Variants in F13B observed in about 807,000 individuals in gnomAD.
F13B encodes coagulation factor XIII B chain.
A neutral mutation model predicts 79.8 loss-of-function variants in F13B; 58 were observed. That is an observed-to-expected ratio of 0.73 (90% confidence interval 0.59 to 0.90). The LOEUF (loss-of-function observed/expected upper bound fraction) is 0.90. Among genes scored for constraint, F13B ranks in the 40% least tolerant of loss-of-function variants. F13B has a pLI of 0.00. For missense variants in F13B, 773 were observed against 777.0 expected, an observed-to-expected ratio of 0.99 and a Z score of 0.06; for synonymous variants, 283 against 260.3, an observed-to-expected ratio of 1.09 and a Z score of -0.84.
At position 197,062,931 on chromosome 1, in the gene F13B, G is replaced by A. The variant is rs749334266; in HGVS notation, c.191C>T (p.Thr64Ile). Reference protein sequence around the residue: ...KLSFFCLAGYTTESGRQEEQT... With the variant: ...KLSFFCLAGYITESGRQEEQT... ...CTCTTCTTGTCTTCCACTTTCAGTG[G>A]TATAACCAGCCAAGCAGAAAAATGA... The change falls in exon 2 of 12, where the codon ACC (threonine) becomes ATC (isoleucine). Residue 64 changes from threonine (T) to isoleucine (I), a missense_variant. Transcript: ENST00000367412. 3 of 1,613,718 alleles carry A rather than the reference G, an allele frequency of 1.9e-6. No individual in the cohort carries two copies. Among genetic ancestry groups the A allele is most frequent in the Admixed American group, 1.7e-5 (1 of 59,964 alleles).
intron 3 of F13B, 120 bp downstream of exon 3, chr1:197,061,664 G>C: frequency 1.2e-6 from 1 of 848,472 alleles, no homozygotes; most frequent in Non-Finnish European, 1.8e-6. Flanking sequence ...TCAACTTCCT[G>C]CATTGTAGAC....
At chr1:197,039,560 C>A (rs1303452271) in intron 11 of F13B, 149 bp from the exon 12 acceptor site, 5 of 619,102 alleles carry the variant, frequency 8.1e-6, no homozygotes, top group African/African-American at 7.4e-5. Context: ...TAAATAATAC[C>A]ACCAGTTCCC....
At chr1:197,045,636 G>A (rs1363614031) in intron 10 of F13B, among the ~76,000 whole-genome samples, 1 of 152,186 alleles carries the variant, frequency 6.6e-6, no homozygotes, top group Non-Finnish European at 1.5e-5. Context: ...TAGAAAAAGA[G>A]GGAATCCTCC....
At chr1:197,053,851 TCCCAAG>T (rs1655539293) in intron 8 of F13B, among the ~76,000 whole-genome samples, 1 of 151,860 alleles carries the variant, frequency 6.6e-6, no homozygotes, top group Non-Finnish European at 1.5e-5. Context: ...TGAAAGAGTG[TCCCAAG>T]CAAAGGGAAC....
chr1:197,048,491 C>A (rs1199282877), intron 10 of F13B, among the ~76,000 whole-genome samples: 1 of 151,312 alleles, frequency 6.6e-6, no homozygotes, highest in African/African-American at 2.4e-5. Flanking sequence ...CTAAAGGAGA[C>A]CTCAAGGCAA....
chr1:197,057,630 C>T (rs914037222), intron 5 of F13B, among the ~76,000 whole-genome samples, 165 bp from the exon 6 acceptor site: 1 of 152,136 alleles, frequency 6.6e-6, no homozygotes, highest in Non-Finnish European at 1.5e-5. Flanking sequence ...TTGTGTGATA[C>T]CCCTTTCCAT....
At chr1:197,044,326 T>G (rs1655149080) in intron 10 of F13B, among the ~76,000 whole-genome samples, 1 of 151,160 alleles carries the variant, frequency 6.6e-6, no homozygotes, top group African/African-American at 2.4e-5. Context: ...GGGGGGAGGG[T>G]CGTCTACTAT....
At chr1:197,042,876 A>C (rs1655094490) in intron 10 of F13B, among the ~76,000 whole-genome samples, 1 of 150,966 alleles carries the variant, frequency 6.6e-6, no homozygotes, top group African/African-American at 2.4e-5. Flanking sequence ...GTTGACTCTA[A>C]GTCTGACCTG....
At position 197,062,733 on chromosome 1, in the gene F13B, T is replaced by G. The variant is rs1385052070; in HGVS notation, c.265+124A>C. ...GCCTTCATTTTGTAGAAAGACAGAT[T>G]GCTAGTGATTTTGTTCTTATCTACT... On this transcript the variant is annotated intron_variant, in intron 2 of 11. Coordinates refer to ENST00000367412, the MANE Select transcript of F13B (RefSeq NM_001994.3). The G allele has an allele frequency of 3.6e-6, 3 of 825,734 alleles. No homozygotes were observed. The African/African-American group carries it at 5.1e-5, about 14-fold the overall frequency. The allele number at this position is 825,734 out of a possible 1,614,324, so 51.2% of individuals were successfully genotyped here. A position where few individuals can be genotyped will look rare whatever the true frequency, so the allele number is the denominator to read the frequency against.
At chr1:197,053,384 G>T (rs2125065004) in intron 8 of F13B, among the ~76,000 whole-genome samples, 1 of 152,084 alleles carries the variant, frequency 6.6e-6, no homozygotes, top group East Asian at 1.9e-4. Flanking sequence ...CCTGGGGTGG[G>T]TCTTTCCCAT....
chr1:197,053,995 T>C (rs1655547358), intron 8 of F13B, among the ~76,000 whole-genome samples: 2 of 152,112 alleles, frequency 1.3e-5, no homozygotes, highest in Non-Finnish European at 2.9e-5. Flanking sequence ...TCTTAATGTC[T>C]GGAATAATAA....
At chr1:197,061,499 A>T (rs563128651) in intron 3 of F13B, among the ~76,000 whole-genome samples, 46 of 152,260 alleles carry the variant, frequency 3.0e-4, no homozygotes, top group Non-Finnish European at 6.6e-4. Flanking sequence ...GTAATAAAGG[A>T]AATAGTGACA....
intron 9 of F13B, 25 bp downstream of exon 9, chr1:197,052,609 C>A (rs766028353): frequency 6.5e-7 from 1 of 1,550,032 alleles, no homozygotes; most frequent in African/African-American, 1.4e-5. Context: ...AGTAAAGATA[C>A]TTGCAGAGAA....
chr1:197,060,905 AT>A lies in F13B; in HGVS notation c.621del (p.Lys207AsnfsTer5). ...CLTYGWSLTP[K>X]CTKLKCSSLR... Reference sequence around the variant, plus strand: ...ATTCCAAATGAGAACCTACTGGTACATTTTGGTGTGAGAGACCATCCGTATG... The same window carrying A: ...ATTCCAAATGAGAACCTACTGGTACATTTGGTGTGAGAGACCATCCGTATG... On this transcript the variant is annotated frameshift_variant, in exon 4 of 12. Transcript: ENST00000367412. LOFTEE classifies it high-confidence loss of function. 1 of 1,613,030 alleles carries A rather than the reference AT, an allele frequency of 6.2e-7. No homozygotes were observed. The highest frequency in any genetic ancestry group is 8.5e-7 in the Non-Finnish European group (1 of 1,179,274).
In F13B at chr1:197,063,052, G is replaced by A. The variant is rs756436929; in HGVS notation, c.70C>T (p.Pro24Ser). The A allele has an allele frequency of 3.7e-6, 6 of 1,610,540 alleles. No individual in the cohort carries two copies. Among genetic ancestry groups the A allele is most frequent in the South Asian group, 1.1e-5 (1 of 90,930 alleles). ...TTTTCCACATGAGGAAAACCACAGGGTTTCTCTGAAATGAGTAAATGTCAA... is the reference window on the plus strand; with the variant it reads ...TTTTCCACATGAGGAAAACCACAGGATTTCTCTGAAATGAGTAAATGTCAA... ...ISGELYAEEKPCGFPHVENGR... is the reference protein window; with the variant it reads ...ISGELYAEEKSCGFPHVENGR... The change falls in exon 2 of 12, where the codon CCC becomes TCC. Residue 24 changes from proline to serine, a missense_variant. Coordinates refer to ENST00000367412, the MANE Select transcript of F13B (RefSeq NM_001994.3).
intron 10 of F13B, among the ~76,000 whole-genome samples, chr1:197,046,614 C>T (rs544261826): frequency 3.2e-4 from 49 of 152,242 alleles, no homozygotes; most frequent in African/African-American, 9.9e-4. Flanking sequence ...TCAATGCCAT[C>T]CCCATCAAAC....
intron 2 of F13B, among the ~76,000 whole-genome samples, chr1:197,062,583 T>C (rs1655903164): frequency 6.6e-6 from 1 of 152,136 alleles, no homozygotes; most frequent in East Asian, 1.9e-4. Context: ...GTAAATTACC[T>C]CTCTTTGCCT....
chr1:197,052,807 A>C lies in F13B; in HGVS notation c.1382T>G (p.Met461Arg). 1 of 1,610,034 alleles carries C rather than the reference A, an allele frequency of 6.2e-7. No individual in the cohort carries two copies. Residue 461 changes from methionine (M) to arginine (R), a missense_variant, in exon 9 of 12, where the codon ATG becomes AGG. Physicochemically the swap from Met to Arg is moderately conservative, Grantham distance 91. Coordinates refer to ENST00000367412, the MANE Select transcript of F13B (RefSeq NM_001994.3). ...LEPCTVNVDYMNRNNIEMKWK... is the reference protein window; with the variant it reads ...LEPCTVNVDYRNRNNIEMKWK... ...CTTCATTTCTATGTTATTTCTGTTC[A>C]TGTAATCCACATTAACAGTACATGG...
At chr1:197,045,667 A>G (rs932134341) in intron 10 of F13B, among the ~76,000 whole-genome samples, 1 of 152,246 alleles carries the variant, frequency 6.6e-6, no homozygotes, top group Admixed American at 6.5e-5. Context: ...TAATGAAGTC[A>G]GCATCATCCT....
Sources: allele counts gnomAD v4.1 joint callset (sites outside exome capture counted in the v4.1 genomes callset), GRCh38; gene constraint gnomAD v4.1.1; transcripts MANE v1.5; gene names NCBI Gene and HGNC (gene_info 2026-07-23, HGNC 2026-07-21).